GRAMD1A: variants seen among roughly 807,000 people sequenced by gnomAD.
GRAMD1A encodes GRAM domain containing 1A, also known as protein Aster-A.
In GRAMD1A, 50 loss-of-function variants were observed where a neutral mutation model predicts 92.0. The observed-to-expected ratio is 0.54, with a 90% CI of 0.43 to 0.69. GRAMD1A has a LOEUF of 0.69. GRAMD1A is among the 30% of genes least tolerant of loss of function. The pLI is 0.00. For missense variants in GRAMD1A, 819 were observed against 978.9 expected (o/e 0.84, Z 2.18); for synonymous variants, 405 against 403.6 (o/e 1.00, Z -0.04).
intron 7 of GRAMD1A, among the ~76,000 whole-genome samples, chr19:35,011,830 G>A (rs2015264418): frequency 6.6e-6 from 1 of 152,240 alleles, no homozygotes; most frequent in Non-Finnish European, 1.5e-5. Context: ...GCGGGGGAGT[G>A]TGGATAGAGG....
intron 11 of GRAMD1A, 104 bp from the exon 12 acceptor site, chr19:35,019,087 T>G: frequency 1.3e-6 from 1 of 742,128 alleles, no homozygotes; most frequent in Non-Finnish European, 2.4e-6. Context: ...GTGGTGGGGA[T>G]TGGGACAGGT....
chr19:35,023,573 T>G (rs1568341687), intron 19 of GRAMD1A, 26 bp downstream of exon 19: 1 of 1,554,238 alleles, frequency 6.4e-7, no homozygotes, highest in African/African-American at 1.4e-5. Context: ...CGGGCAGGGC[T>G]CGGGGCTGCG....
At position 35,013,565 on chromosome 19, in the gene GRAMD1A, G is replaced by C. The variant is rs2015403946; in HGVS notation, c.744G>C (p.Val248=). ...GLGTPKEVGD[V]IALSDITSSG... ...GGACCCCCAAGGAAGTGGGAGATGT[G>C]ATCGCCCTGAGCGACATCACCTCCT... is the stretch of plus-strand genomic sequence containing the variant. The change falls in exon 9 of 20, where the codon GTG becomes GTC. Residue 248 remains valine, a synonymous_variant. Transcript: ENST00000317991. This position sits in a 1 kb window ranked among gnomAD's most constrained non-coding sequence, Gnocchi z 4.9. 6 of 1,610,288 alleles carry C rather than the reference G, an allele frequency of 3.7e-6. No individual in the cohort carries two copies. The highest frequency in any genetic ancestry group is 4.2e-6 in the Non-Finnish European group (5 of 1,177,746).
Position 35,013,801 on chromosome 19 carries a change from G to T in GRAMD1A, c.870+110G>T. On this transcript the variant is annotated intron_variant, in intron 9 of 19. Transcript: ENST00000317991. This position sits in a 1 kb window ranked among gnomAD's most constrained non-coding sequence, Gnocchi z 4.9. ...CAGATTTGGAGGGGAATGGATAGGGGGACAGGGGAGGCCTGGATGGAGGAA... is the reference window on the plus strand; with the variant it reads ...CAGATTTGGAGGGGAATGGATAGGGTGACAGGGGAGGCCTGGATGGAGGAA... 9.2e-7 allele frequency: 1 copy of T among 1,091,912 alleles called. No homozygotes were observed. Among genetic ancestry groups the T allele is most frequent in the East Asian group, 2.4e-5 (1 of 40,818 alleles). The allele number at this position is 1,091,912 out of a possible 1,614,324, so 67.6% of individuals were successfully genotyped here. A position where few individuals can be genotyped will look rare whatever the true frequency, so the allele number is the denominator to read the frequency against.
chr19:35,006,306 C>A (rs1002336744), intron 1 of GRAMD1A, among the ~76,000 whole-genome samples: 1 of 152,028 alleles, frequency 6.6e-6, no homozygotes, highest in Non-Finnish European at 1.5e-5. Context: ...TGGGTGACAG[C>A]GCGACTCTTT....
rs73597448 is a variant in GRAMD1A, at chr19:35,022,793, C to T, written c.1842-107C>T. 4.6e-3 allele frequency: 4,983 copies of T among 1,088,684 alleles called. 148 individuals carry two copies. The African/African-American group carries it at 0.071, about 15-fold the overall frequency. The allele number at this position is 1,088,684 out of a possible 1,614,324, so 67.4% of individuals were successfully genotyped here. On this transcript the variant is annotated intron_variant, in intron 16 of 19. Transcript: ENST00000317991. ...TCTCAGCTCTCATCCAGTGAGGGGGCGTGGTGCTCTCAGCCAAGAGCTGCC... is the reference window on the plus strand; with the variant it reads ...TCTCAGCTCTCATCCAGTGAGGGGGTGTGGTGCTCTCAGCCAAGAGCTGCC...
upstream of GRAMD1A, among the ~76,000 whole-genome samples, chr19:34,997,837 C>T (rs139687451): frequency 6.3e-4 from 96 of 152,084 alleles, no homozygotes; most frequent in African/African-American, 2.2e-3. Flanking sequence ...GAGGCCGAGG[C>T]GGGCAGATTA....
intron 11 of GRAMD1A, among the ~76,000 whole-genome samples, chr19:35,018,144 C>T (rs945279585): frequency 6.6e-6 from 1 of 152,114 alleles, no homozygotes; most frequent in Non-Finnish European, 1.5e-5. Flanking sequence ...CCCACCGTCA[C>T]GCCCAGCTAA....
At chr19:35,023,895 C>A (rs185453474) in intron 19 of GRAMD1A, 26 of 195,672 alleles carry the variant, frequency 1.3e-4, no homozygotes, top group Middle Eastern at 2.0e-3. Context: ...CTTTTCCCCC[C>A]ACAGGGGACC....
intron 1 of GRAMD1A, among the ~76,000 whole-genome samples, chr19:35,005,522 A>G (rs992456304): frequency 2.0e-5 from 3 of 152,062 alleles, no homozygotes; most frequent in African/African-American, 7.2e-5. Context: ...TGATGGACTC[A>G]GATGATCCCA....
chr19:35,008,353 C>T (rs183780987), intron 1 of GRAMD1A, among the ~76,000 whole-genome samples: 96 of 149,100 alleles, frequency 6.4e-4, no homozygotes, highest in African/African-American at 2.3e-3. Flanking sequence ...AATAAAACAG[C>T]AGGTGTCTTT....
At chr19:35,008,515 C>T (rs148854218) in intron 1 of GRAMD1A, among the ~76,000 whole-genome samples, 29 of 151,614 alleles carry the variant, frequency 1.9e-4, no homozygotes, top group Admixed American at 1.8e-3. Flanking sequence ...CTTAGGAAGA[C>T]CCCGTCTCAA....
Position 35,013,336 on chromosome 19 carries a change from C to A in GRAMD1A, c.687C>A (p.Asp229Glu). 1 of 1,554,850 alleles carries A rather than the reference C, an allele frequency of 6.4e-7. No homozygotes were observed. The highest frequency in any genetic ancestry group is 8.7e-7 in the Non-Finnish European group (1 of 1,147,724). The stretch of plus-strand genomic sequence containing the variant: ...TGGGCCTCACCAGTGAGGATGAGGA[C>A]TATGTCTCCCCCTTGCAGCTGAACG... Reference protein sequence around the residue: ...SELGLTSEDEDYVSPLQLNGL... With the variant: ...SELGLTSEDEEYVSPLQLNGL... Residue 229 changes from aspartate (D) to glutamate (E), a missense_variant, in exon 8 of 20, where the codon GAC becomes GAA. Physicochemically the swap from Asp to Glu is conservative, Grantham distance 45. This residue lies in a region of GRAMD1A where 577 missense variants were observed against 674.6 expected (regional missense o/e 0.86). Transcript: ENST00000317991. This position sits in a 1 kb window ranked among gnomAD's most constrained non-coding sequence, Gnocchi z 4.9.
chr19:35,004,314 C>T (rs1485285102), intron 1 of GRAMD1A, among the ~76,000 whole-genome samples: 1 of 151,922 alleles, frequency 6.6e-6, no homozygotes, highest in Non-Finnish European at 1.5e-5. Context: ...ATCTCTGCCC[C>T]CCTAGTTGTC....
intron 6 of GRAMD1A, 26 bp downstream of exon 6, chr19:35,010,405 C>G: frequency 6.7e-7 from 1 of 1,488,998 alleles, no homozygotes; most frequent in Non-Finnish European, 9.4e-7. Flanking sequence ...GTGACGGGAC[C>G]ACGCGGTCCC....
chr19:35,016,308 T>A (rs1280711991), intron 11 of GRAMD1A, among the ~76,000 whole-genome samples: 1 of 125,678 alleles, frequency 8.0e-6, no homozygotes, highest in East Asian at 2.1e-4. Context: ...GTTAAGAGGC[T>A]GAGGCGGGGC....
chr19:35,011,716 G>A (rs1296285681), intron 7 of GRAMD1A, among the ~76,000 whole-genome samples, 162 bp downstream of exon 7: 2 of 152,260 alleles, frequency 1.3e-5, no homozygotes, highest in East Asian at 3.9e-4. Context: ...TGACCCCGAA[G>A]CTGAGTCTCT....
At chr19:35,000,015 C>A, upstream of GRAMD1A, 1 of 984,088 alleles carries the variant, frequency 1.0e-6, no homozygotes. This position sits in a 1 kb window ranked among gnomAD's most constrained non-coding sequence, Gnocchi z 4.9. Context: ...GAGCTTCTGG[C>A]CAGGGGCATA....
chr19:34,996,107 C>A, upstream of GRAMD1A: 1 of 1,536,008 alleles, frequency 6.5e-7, no homozygotes, highest in South Asian at 1.2e-5. Context: ...CCCAGCAGGG[C>A]AGCGGAAGCA....
Sources: gnomAD v4.1 joint callset for allele counts (sites outside exome capture counted in the v4.1 genomes callset) on GRCh38, gnomAD v4.1.1 for gene constraint, gnomAD v4.1.1 regional missense constraint, Gnocchi (gnomAD v3.1) non-coding constraint, MANE v1.5 for transcripts, NCBI Gene and HGNC (gene_info 2026-07-23, HGNC 2026-07-21) for gene names.